RAB39A: variants seen among roughly 807,000 people sequenced by gnomAD.
The protein encoded by RAB39A is ras-related protein Rab-39A.
RAB39A carries 17 observed loss-of-function variants against 20.9 expected under a neutral mutation model. The observed-to-expected ratio is 0.81, with a 90% CI of 0.56 to 1.22. RAB39A has a LOEUF of 1.22. Ranked by LOEUF, RAB39A falls within the 50% of genes most tolerant of loss-of-function variation. The pLI, the probability that RAB39A is intolerant of heterozygous loss-of-function variation, is 0.00. For synonymous variants in RAB39A, 99 were observed against 103.4 expected, an observed-to-expected ratio of 0.96 and a Z score of 0.26; for missense variants, 234 against 270.5, an observed-to-expected ratio of 0.87 and a Z score of 0.95.
At chr11:107,950,881 G>A (rs1861371929) in intron 1 of RAB39A, among the ~76,000 whole-genome samples, 2 of 152,044 alleles carry the variant, frequency 1.3e-5, no homozygotes, top group Non-Finnish European at 2.9e-5. Flanking sequence ...AATTGCTACA[G>A]AGGAAAATAG....
intron 1 of RAB39A, among the ~76,000 whole-genome samples, chr11:107,947,951 T>C (rs1197300120): frequency 6.7e-6 from 1 of 149,770 alleles, no homozygotes; most frequent in Non-Finnish European, 1.5e-5. Context: ...AGGAAGCTAC[T>C]TGAAGATGAA....
Position 107,930,365 on chromosome 11 carries a change from C to G in RAB39A, c.227+1570C>G, listed in dbSNP as rs185851179. 4.5e-4 allele frequency among the ~76,000 whole-genome samples: 68 copies of G among 152,276 alleles called. 7 individuals are homozygous for G. The highest frequency in any genetic ancestry group is 2.9e-3 in the Admixed American group (44 of 15,286). ...ATTCTAAGTTGATTGCCAATTCCTT[C>G]ACATGTGATCTCAATCAGAGGTAAA... On this transcript the variant is annotated intron_variant, in intron 1 of 1. Transcript: ENST00000320578.
At chr11:107,948,851 C>T (rs190284141) in intron 1 of RAB39A, among the ~76,000 whole-genome samples, 213 of 152,248 alleles carry the variant, frequency 1.4e-3, no homozygotes, top group African/African-American at 4.8e-3. Flanking sequence ...CATTTCTTAG[C>T]ACTTAGGTTA....
At chr11:107,958,715 C>T (rs895384639) in intron 1 of RAB39A, among the ~76,000 whole-genome samples, 2 of 147,194 alleles carry the variant, frequency 1.4e-5, no homozygotes, top group Non-Finnish European at 3.0e-5. Context: ...TAATTTTATT[C>T]TGTAGGATGA....
rs369470792 is a variant in RAB39A at position 107,930,295 on chromosome 11, A to G, written c.227+1500A>G. 9.1e-4 allele frequency among the ~76,000 whole-genome samples: 138 copies of G among 152,350 alleles called. 1 individual carries two copies. Among genetic ancestry groups the G allele is most frequent in the African/African-American group, 3.0e-3 (124 of 41,588 alleles). On this transcript the variant is annotated intron_variant, in intron 1 of 1. Coordinates refer to ENST00000320578, the MANE Select transcript of RAB39A (RefSeq NM_017516.3). The stretch of plus-strand genomic sequence containing the variant: ...TTCAAATGTTTGATTCCTCATCTGT[A>G]AAATGAAAGTCGTCGTGATCTCTAA...
intron 1 of RAB39A, among the ~76,000 whole-genome samples, chr11:107,936,784 T>C (rs1212244859): frequency 3.3e-4 from 50 of 151,904 alleles, no homozygotes; most frequent in Admixed American, 3.3e-3. Context: ...AAATTAGCTG[T>C]GCATGGTGGT....
intron 1 of RAB39A, among the ~76,000 whole-genome samples, chr11:107,930,424 T>G (rs937638223): frequency 1.3e-5 from 2 of 152,188 alleles, no homozygotes; most frequent in Non-Finnish European, 2.9e-5. Flanking sequence ...AAAAAAGCAT[T>G]TGCTGTTAGC....
chr11:107,948,598 T>C (rs1288830329), intron 1 of RAB39A, among the ~76,000 whole-genome samples: 1 of 151,898 alleles, frequency 6.6e-6, no homozygotes, highest in African/African-American at 2.4e-5. Context: ...CTTTCCGGGC[T>C]CAGGTGATTC....
chr11:107,957,755 A>C (rs1179840283), intron 1 of RAB39A, among the ~76,000 whole-genome samples: 1 of 152,114 alleles, frequency 6.6e-6, no homozygotes. Context: ...TCATTCCCTC[A>C]TAACACACCA....
chr11:107,934,392 C>A (rs1455960071), intron 1 of RAB39A, among the ~76,000 whole-genome samples: 1 of 152,060 alleles, frequency 6.6e-6, no homozygotes, highest in African/African-American at 2.4e-5. Context: ...TATGATCATG[C>A]CACTGCACTC....
intron 1 of RAB39A, among the ~76,000 whole-genome samples, chr11:107,961,541 A>G (rs1237281542): frequency 6.6e-6 from 1 of 152,232 alleles, no homozygotes; most frequent in Non-Finnish European, 1.5e-5. Context: ...AGAAGAGTTC[A>G]TTAAATTTTA....
chr11:107,939,262 A>AAG (rs1398014930), intron 1 of RAB39A, among the ~76,000 whole-genome samples: 23 of 147,044 alleles, frequency 1.6e-4, no homozygotes, highest in South Asian at 4.2e-4. Flanking sequence ...AAAAAAAAAA[A>AAG]AGAGAGAGAG....
chr11:107,944,568 G>A, intron 1 of RAB39A, among the ~76,000 whole-genome samples: 1 of 151,950 alleles, frequency 6.6e-6, no homozygotes, highest in Non-Finnish European at 1.5e-5. Context: ...TGTATTTTTA[G>A]TAGAGACAGG....
Position 107,962,271 on chromosome 11 carries a change from T to G in RAB39A, c.553T>G (p.Cys185Gly). The change falls in exon 2 of 2, where the codon TGT becomes GGT. Residue 185 changes from cysteine to glycine, a missense_variant. Coordinates refer to ENST00000320578, the MANE Select transcript of RAB39A (RefSeq NM_017516.3). Reference sequence around the variant, plus strand: ...TGAACTTATTAAAAAGGGAGAAATTTGTATTCAGGATGGCTGGGAAGGGGT... The same window carrying G: ...TGAACTTATTAAAAAGGGAGAAATTGGTATTCAGGATGGCTGGGAAGGGGT... ...IYELIKKGEI[C>G]IQDGWEGVKS... 3.7e-6 allele frequency: 6 copies of G among 1,613,870 alleles called. No homozygotes were observed. The highest frequency in any genetic ancestry group is 5.1e-6 in the Non-Finnish European group (6 of 1,179,954).
intron 1 of RAB39A, among the ~76,000 whole-genome samples, chr11:107,931,863 C>CT (rs35328521): frequency 0.34 from 39,889 of 118,056 alleles, 7,724 homozygotes; most frequent in South Asian, 0.42. Context: ...TTCTTTCCTT[C>CT]TTTTTTTTTT....
chr11:107,962,178 A>G lies in RAB39A; in HGVS notation c.460A>G (p.Ile154Val), dbSNP rs781489700. Residue 154 changes from isoleucine (I) to valine (V), a missense_variant, in exon 2 of 2, where the codon ATA becomes GTA. Physicochemically the swap from Ile to Val is conservative, Grantham distance 29. Transcript: ENST00000320578. Reference sequence around the variant, plus strand: ...GTCAGCAGACTGTGGAATGAAGTATATAGAAACCTCAGCAAAGGATGCTAC... The same window carrying G: ...GTCAGCAGACTGTGGAATGAAGTATGTAGAAACCTCAGCAAAGGATGCTAC... ...KLSADCGMKYIETSAKDATNV... is the reference protein window; with the variant it reads ...KLSADCGMKYVETSAKDATNV... 8 of 1,614,156 alleles carry G rather than the reference A, an allele frequency of 5.0e-6. No homozygotes were observed. The Admixed American group carries it at 1.3e-4, about 27-fold the overall frequency.
At chr11:107,940,738 C>T (rs146438707) in intron 1 of RAB39A, among the ~76,000 whole-genome samples, 162 of 152,086 alleles carry the variant, frequency 1.1e-3, no homozygotes, top group Admixed American at 4.9e-3. Context: ...TTTGGGAGGC[C>T]GAGGTGGTTG....
At chr11:107,938,649 T>C (rs1861226165) in intron 1 of RAB39A, among the ~76,000 whole-genome samples, 1 of 148,386 alleles carries the variant, frequency 6.7e-6, no homozygotes, top group Non-Finnish European at 1.5e-5. Context: ...GGTAAGACTA[T>C]CACTTGAGTC....
chr11:107,956,835 G>A (rs1275846471), intron 1 of RAB39A, among the ~76,000 whole-genome samples: 2 of 152,024 alleles, frequency 1.3e-5, no homozygotes, highest in African/African-American at 4.8e-5. Context: ...AAAGAGGCTT[G>A]GAAATTGAGA....
Sources: allele counts gnomAD v4.1 joint callset (sites outside exome capture counted in the v4.1 genomes callset), GRCh38; gene constraint gnomAD v4.1.1; transcripts MANE v1.5; gene names NCBI Gene and HGNC (gene_info 2026-07-23, HGNC 2026-07-21).